CAST: variants seen among roughly 807,000 people sequenced by gnomAD.
CAST encodes the protein MIR583 host.
CAST carries 76 observed loss-of-function variants against 119.6 expected under a neutral mutation model. The observed-to-expected ratio is 0.64, with a 90% CI of 0.53 to 0.77. CAST has a LOEUF of 0.77. Ranked by LOEUF, CAST falls within the 30% of genes least tolerant of loss-of-function variation. The probability of loss-of-function intolerance (pLI) is 0.00; values close to 1 mark genes in which losing one functional copy is unlikely to be tolerated. For missense variants in CAST, 953 were observed against 946.5 expected (o/e 1.01, Z -0.09); for synonymous variants, 319 against 331.6 (o/e 0.96, Z 0.41).
chr5:96,567,652 C>T (rs1221923639), intron 1 of CAST, among the ~76,000 whole-genome samples: 1 of 152,154 alleles, frequency 6.6e-6, no homozygotes, highest in Non-Finnish European at 1.5e-5. Flanking sequence ...AAATTGTTGA[C>T]CCCTTGAGAT....
the CAST span, among the ~76,000 whole-genome samples, chr5:96,367,478 C>G: frequency 6.6e-6 from 1 of 151,196 alleles, no homozygotes; most frequent in African/African-American, 2.4e-5. Flanking sequence ...CCACCCAGTT[C>G]GAGCTTCTGG....
the CAST span, among the ~76,000 whole-genome samples, chr5:96,298,368 G>T: frequency 1.3e-5 from 2 of 152,100 alleles, no homozygotes; most frequent in East Asian, 1.9e-4. Flanking sequence ...ATTAATCTTT[G>T]TTTCAAATTG....
At chr5:96,710,473 T>G (rs910164776) in intron 3 of CAST, among the ~76,000 whole-genome samples, 1 of 152,062 alleles carries the variant, frequency 6.6e-6, no homozygotes, top group Non-Finnish European at 1.5e-5. Context: ...CTTTTTCCTT[T>G]GTATGTTTCT....
At chr5:96,682,435 A>T (rs2150268101) in intron 2 of CAST, among the ~76,000 whole-genome samples, 1 of 152,120 alleles carries the variant, frequency 6.6e-6, no homozygotes, top group East Asian at 1.9e-4. Flanking sequence ...ATTCCATCTC[A>T]ATCTATAGCT....
the CAST span, among the ~76,000 whole-genome samples, chr5:96,002,776 C>T: frequency 1.3e-5 from 2 of 152,188 alleles, no homozygotes; most frequent in Non-Finnish European, 2.9e-5. Context: ...TGACTTTCAT[C>T]TGCCATAAAA....
the CAST span, among the ~76,000 whole-genome samples, chr5:96,448,515 T>C: frequency 6.6e-6 from 1 of 152,196 alleles, no homozygotes; most frequent in East Asian, 1.9e-4. Context: ...TGCCCCCTAT[T>C]GACTGTTATA....
intron 1 of CAST, among the ~76,000 whole-genome samples, chr5:96,580,757 A>G (rs987070894): frequency 2.6e-5 from 4 of 152,264 alleles, no homozygotes; most frequent in African/African-American, 9.6e-5. Context: ...GAATTTGTTC[A>G]GAAAAGGCAA....
the CAST span, among the ~76,000 whole-genome samples, chr5:96,323,833 G>A: frequency 3.3e-5 from 5 of 152,278 alleles, no homozygotes; most frequent in South Asian, 2.1e-4. Flanking sequence ...GCTTCCTTCC[G>A]GTTAACACAG....
the CAST span, among the ~76,000 whole-genome samples, chr5:96,095,825 A>G: frequency 6.6e-6 from 1 of 152,302 alleles, no homozygotes; most frequent in South Asian, 2.1e-4. Flanking sequence ...ACATTAAAAA[A>G]AAATCCTTAA....
intron 17 of CAST, among the ~76,000 whole-genome samples, chr5:96,746,918 A>G (rs1763873363): frequency 6.6e-6 from 1 of 152,200 alleles, no homozygotes; most frequent in South Asian, 2.1e-4. Flanking sequence ...ATATAAACAC[A>G]TGTTGGAATA....
upstream of CAST, among the ~76,000 whole-genome samples, chr5:96,527,243 T>C (rs776589060): frequency 1.3e-5 from 2 of 152,168 alleles, no homozygotes; most frequent in Non-Finnish European, 2.9e-5. Context: ...AACTGTGTTT[T>C]AGGGGGCCAA....
the CAST span, among the ~76,000 whole-genome samples, chr5:96,141,019 C>T: frequency 2.6e-5 from 4 of 151,942 alleles, no homozygotes; most frequent in East Asian, 3.9e-4. Context: ...CCAGTTAACT[C>T]GAGAAAATTA....
the CAST span, chr5:96,433,188 C>A: frequency 7.7e-6 from 6 of 775,054 alleles, no homozygotes; most frequent in Admixed American, 8.1e-5. Context: ...CTAGGAGGCG[C>A]GAGAGGAGAG....
At chr5:96,724,888 A>G (rs71630748) in intron 4 of CAST, among the ~76,000 whole-genome samples, 35,984 of 152,116 alleles carry the variant, frequency 0.24, 4,994 homozygotes, top group Non-Finnish European at 0.32. Context: ...AAAACCAAAG[A>G]AAAGAGATAG....
intron 1 of CAST, among the ~76,000 whole-genome samples, chr5:96,646,134 C>G (rs1580857189): frequency 6.6e-6 from 1 of 152,178 alleles, no homozygotes; most frequent in East Asian, 1.9e-4. Context: ...AACACACCAC[C>G]GTCAATATTG....
intron 1 of CAST, among the ~76,000 whole-genome samples, chr5:96,667,943 A>G (rs1476511613): frequency 6.6e-6 from 1 of 152,224 alleles, no homozygotes; most frequent in Non-Finnish European, 1.5e-5. Context: ...TGAACCCGCG[A>G]GGCGGAGCTT....
chr5:96,371,929 A>T, the CAST span, among the ~76,000 whole-genome samples: 1 of 152,222 alleles, frequency 6.6e-6, no homozygotes, highest in Non-Finnish European at 1.5e-5. Flanking sequence ...CTTTGTTATC[A>T]TTCATATAAA....
At chr5:96,223,284 C>T in the CAST span, among the ~76,000 whole-genome samples, 1 of 151,896 alleles carries the variant, frequency 6.6e-6, no homozygotes, top group South Asian at 2.1e-4. Context: ...GAAATGTTAC[C>T]AACACAAATA....
chr5:96,585,379 C>G (rs139960538), intron 1 of CAST, among the ~76,000 whole-genome samples: 38 of 152,272 alleles, frequency 2.5e-4, no homozygotes, highest in African/African-American at 7.9e-4. Flanking sequence ...TTACTCCACT[C>G]TTAAGGCCTT....
Sources: gnomAD v4.1 joint callset for allele counts (sites outside exome capture counted in the v4.1 genomes callset) on GRCh38, gnomAD v4.1.1 for gene constraint, MANE v1.5 for transcripts, NCBI Gene and HGNC (gene_info 2026-07-23, HGNC 2026-07-21) for gene names.